COG8: variants seen among roughly 807,000 people sequenced by gnomAD.
COG8 encodes conserved oligomeric Golgi complex subunit 8.
Under a neutral mutation model 46.5 loss-of-function variants are expected in COG8, and 45 were observed. The ratio of observed to expected loss-of-function variants is 0.97; its 90% CI spans 0.76 to 1.24. The LOEUF (loss-of-function observed/expected upper bound fraction) is 1.24. Among genes scored for constraint, COG8 ranks in the 50% most tolerant of loss-of-function variants. COG8 has a pLI of 0.00. For missense variants in COG8, 793 were observed against 820.8 expected, an observed-to-expected ratio of 0.97 and a Z score of 0.41; for synonymous variants, 407 against 347.8, an observed-to-expected ratio of 1.17 and a Z score of -1.90.
chr16:69,332,076 G>A (rs572019587), intron 4 of COG8, among the ~76,000 whole-genome samples: 1 of 152,294 alleles, frequency 6.6e-6, no homozygotes, highest in African/African-American at 2.4e-5. Flanking sequence ...ACTTTAGGAC[G>A]GGCGTGGTGG....
In COG8 at chr16:69,327,640, T is replaced by G. The variant is rs543507244; in HGVS notation, c.*1566A>C. 6.6e-6 allele frequency: 1 copy of G among 152,170 alleles called. No homozygotes were observed. Among genetic ancestry groups the G allele is most frequent in the Non-Finnish European group, 1.5e-5 (1 of 68,010 alleles). 9.4% of individuals were successfully genotyped at this position (152,170 alleles called of 1,614,324 possible). On this transcript the variant is annotated 3_prime_UTR_variant, in exon 6 of 6. Coordinates refer to ENST00000306875, the MANE Select transcript of COG8 (RefSeq NM_032382.5). ...AATGGACTTCCTACTACTTGTATAG[T>G]TTGATTTTCAGGACTCTGTTCAGCA...
intron 2 of COG8, among the ~76,000 whole-genome samples, chr16:69,336,253 C>T (rs1322368734): frequency 1.3e-5 from 2 of 152,202 alleles, no homozygotes; most frequent in African/African-American, 4.8e-5. Context: ...AATTATCAGA[C>T]TTCCCATTAG....
Position 69,330,841 on chromosome 16 carries a change from A to G in COG8, c.1837T>C (p.Ter613GlnextTer43), listed in dbSNP as rs1361084267. The change falls in exon 5 of 6, where the codon TAG becomes CAG. Residue 613 changes from the stop codon to glutamine (Q), a stop_lost. Coordinates refer to ENST00000306875, the MANE Select transcript of COG8 (RefSeq NM_032382.5). The part of the protein sequence containing the change: ...TQAEPPSVGP[*>Q] ...GTTCTGGAGGCAGGGGACGCCGGCT[A>G]GGGCCCCACGCTGGGCGGTTCGGCC... 7.8e-6 allele frequency: 12 copies of G among 1,537,450 alleles called. No individual in the cohort carries two copies. The East Asian group carries it at 2.9e-4, about 38-fold the overall frequency.
chr16:69,330,638 C>A lies in COG8; in HGVS notation c.*26+175G>T, dbSNP rs999205445. 5 of 1,404,010 alleles carry A rather than the reference C, an allele frequency of 3.6e-6. No homozygotes were observed. The South Asian group carries it at 7.9e-5, about 22-fold the overall frequency. The allele number at this position is 1,404,010 out of a possible 1,614,324, so 87.0% of individuals were successfully genotyped here. A position where few individuals can be genotyped will look rare whatever the true frequency, so the allele number is the denominator to read the frequency against. On this transcript the variant is annotated intron_variant, in intron 5 of 5. Coordinates refer to ENST00000306875, the MANE Select transcript of COG8 (RefSeq NM_032382.5). ...CAGCGCGGGGCACGCCGGGAAGCGC[C>A]GTCGGCCAGCACACAGCGAAGCCGC...
At chr16:69,329,272 A>AT in intron 5 of COG8, 93 bp from the exon 6 acceptor site, 1 of 1,355,214 alleles carries the variant, frequency 7.4e-7, no homozygotes, top group East Asian at 2.8e-5. Context: ...GGCTGTTCCC[A>AT]TTGACAAGAG....
At chr16:69,336,745 C>A in intron 1 of COG8, 33 bp from the exon 2 acceptor site, 1 of 1,580,206 alleles carries the variant, frequency 6.3e-7, no homozygotes, top group Non-Finnish European at 8.7e-7. Context: ...TGATCCTTCA[C>A]TGCTCTGTAC....
At chr16:69,330,222 C>A in intron 5 of COG8, 1 of 1,452,570 alleles carries the variant, frequency 6.9e-7, no homozygotes, top group Non-Finnish European at 9.0e-7. Context: ...CGCGGCACCC[C>A]CAGCTGCGGC....
intron 4 of COG8, among the ~76,000 whole-genome samples, chr16:69,331,491 A>G (rs1402719885): frequency 2.8e-5 from 4 of 144,924 alleles, no homozygotes; most frequent in East Asian, 2.0e-4. Flanking sequence ...AATTTAAGGG[A>G]AAAAAAACGA....
At chr16:69,338,050 A>C (rs905367971) in intron 1 of COG8, among the ~76,000 whole-genome samples, 9 of 149,868 alleles carry the variant, frequency 6.0e-5, no homozygotes, top group African/African-American at 2.2e-4. Context: ...TTTTTTTAAG[A>C]GAGTTTCACT....
chr16:69,339,132 G>A (rs748971759), intron 1 of COG8, 44 bp downstream of exon 1: 2 of 1,612,312 alleles, frequency 1.2e-6, no homozygotes, highest in Non-Finnish European at 1.7e-6. Context: ...GTAAATGTCA[G>A]CTTTTACAGT....
In COG8 at chr16:69,329,071, A is replaced by G; in HGVS notation, c.*135T>C. 1 of 1,611,958 alleles carries G rather than the reference A, an allele frequency of 6.2e-7. No homozygotes were observed. The highest frequency in any genetic ancestry group is 2.2e-5 in the East Asian group (1 of 44,782). The stretch of plus-strand genomic sequence containing the variant: ...GACGTTTGTGAACGTCCTGCTGTCC[A>G]TTTTGTCAATAAACAGGCAGCCCTG... On this transcript the variant is annotated 3_prime_UTR_variant, in exon 6 of 6. Coordinates refer to ENST00000306875, the MANE Select transcript of COG8 (RefSeq NM_032382.5).
At chr16:69,329,562 G>T (rs1230016734) in intron 5 of COG8, among the ~76,000 whole-genome samples, 2 of 152,218 alleles carry the variant, frequency 1.3e-5, no homozygotes, top group Non-Finnish European at 2.9e-5. Context: ...CGGGCTTGCT[G>T]TGCAGGAACA....
rs1230287659 is a variant in COG8, at chr16:69,339,435, A to C, written c.118T>G (p.Trp40Gly). The C allele has an allele frequency of 1.3e-6, 2 of 1,589,702 alleles. No individual in the cohort carries two copies. Among genetic ancestry groups the C allele is most frequent in the Non-Finnish European group, 1.7e-6 (2 of 1,173,420 alleles). ...LFRDRFPEAQ[W>G]RERPDVGRYL... ...CGGCCCACATCGGGCCGCTCGCGCC[A>C]CTGGGCCTCGGGGAAGCGGTCCCGG... The change falls in exon 1 of 6, where the codon TGG becomes GGG. Residue 40 changes from tryptophan to glycine, a missense_variant. Trp to Gly is a radical substitution (Grantham distance 184). Transcript: ENST00000306875.
intron 4 of COG8, among the ~76,000 whole-genome samples, chr16:69,331,888 C>T (rs1405515443): frequency 6.6e-6 from 1 of 152,174 alleles, no homozygotes; most frequent in Admixed American, 6.5e-5. Context: ...AACGGAACAG[C>T]AGTGTAGGGT....
chr16:69,335,609 G>A (rs2012162371), intron 2 of COG8, among the ~76,000 whole-genome samples: 1 of 152,094 alleles, frequency 6.6e-6, no homozygotes, highest in Non-Finnish European at 1.5e-5. Context: ...TTGAGGTCAG[G>A]AGTTTGAGAC....
intron 5 of COG8, among the ~76,000 whole-genome samples, chr16:69,329,755 G>T (rs903224583): frequency 7.2e-5 from 11 of 152,242 alleles, no homozygotes; most frequent in African/African-American, 2.7e-4. Context: ...GGAGCAGAAA[G>T]CAGACGCCAG....
At position 69,331,305 on chromosome 16, in the gene COG8, A is replaced by G. The variant is rs527885323; in HGVS notation, c.1583-210T>C. On this transcript the variant is annotated intron_variant, in intron 4 of 5. Transcript: ENST00000306875. Reference sequence around the variant, plus strand: ...CCATCTCTCTTAAAAATACAACATTAGCCGGGCTTGGTGGCGCAGGCCTGT... The same window carrying G: ...CCATCTCTCTTAAAAATACAACATTGGCCGGGCTTGGTGGCGCAGGCCTGT... Among the ~76,000 whole-genome samples, 24 of 151,494 alleles carry G rather than the reference A, an allele frequency of 1.6e-4. No homozygotes were observed. The South Asian group carries it at 5.0e-3, about 32-fold the overall frequency.
Position 69,330,353 on chromosome 16 carries a change from G to A in COG8, c.*26+460C>T, listed in dbSNP as rs1362474892. ...CGGGGCCGCCACGCCGCGCAGCACC[G>A]GGTCCCCGACTTGGCACACGTGCGA... On this transcript the variant is annotated intron_variant, in intron 5 of 5. Transcript: ENST00000306875. 28 of 1,473,332 alleles carry A rather than the reference G, an allele frequency of 1.9e-5. No homozygotes were observed. Among genetic ancestry groups the A allele is most frequent in the Non-Finnish European group, 2.4e-5 (27 of 1,119,902 alleles). The allele number at this position is 1,473,332 out of a possible 1,614,324, so 91.3% of individuals were successfully genotyped here.
In COG8 at chr16:69,332,847, T is replaced by C; in HGVS notation, c.1449A>G (p.Glu483=). 1 of 1,614,238 alleles carries C rather than the reference T, an allele frequency of 6.2e-7. No individual in the cohort carries two copies. Among genetic ancestry groups the C allele is most frequent in the Middle Eastern group, 1.6e-4 (1 of 6,062 alleles). Residue 483 remains glutamate, a synonymous_variant, in exon 4 of 6, where the codon GAA becomes GAG. Coordinates refer to ENST00000306875, the MANE Select transcript of COG8 (RefSeq NM_032382.5). ...GCTCCCCGCTGCTGAAGGCAGCCTC[T>C]TCAGCGCGATGGAAGGCCAGGATTA... ...TKIILAFHRA[E]EAAFSSGEQE... is the part of the protein sequence containing the mutation.
Sources: allele counts gnomAD v4.1 joint callset (sites outside exome capture counted in the v4.1 genomes callset), GRCh38; gene constraint gnomAD v4.1.1; transcripts MANE v1.5; gene names NCBI Gene and HGNC (gene_info 2026-07-23, HGNC 2026-07-21).